The following DNAH3 variants were observed in gnomAD, a reference collection of about 807,000 sequenced individuals.
The protein encoded by DNAH3 is dynein axonemal heavy chain 3.
A neutral mutation model predicts 432.5 loss-of-function variants in DNAH3; 332 were observed. The observed-to-expected ratio is 0.77, with a 90% CI of 0.70 to 0.84. DNAH3 has a LOEUF of 0.84. DNAH3 is among the 40% of genes least tolerant of loss of function. The probability of loss-of-function intolerance (pLI) is 0.00; values close to 1 mark genes in which losing one functional copy is unlikely to be tolerated. For synonymous variants in DNAH3, 1,956 were observed against 1,900.2 expected (o/e 1.03, Z -0.76); for missense variants, 4,861 against 5,114.0 (o/e 0.95, Z 1.51).
chr16:20,964,724 A>T (rs1239583442), exon 53 of DNAH3: 1 of 1,614,046 alleles, frequency 6.2e-7, no homozygotes, highest in Non-Finnish European at 8.5e-7. Flanking sequence ...GCAATCTGCC[A>T]GGCACGGATT....
At chr16:21,000,341 T>G (rs2086958448) in exon 43 of DNAH3, 1 of 1,614,158 alleles carries the variant, frequency 6.2e-7, no homozygotes, top group Non-Finnish European at 8.5e-7. Context: ...GCAGAGAAAT[T>G]GATGCAGTTG....
At chr16:21,131,495 A>AGG in intron 7 of DNAH3, among the ~76,000 whole-genome samples, 1 of 2,442 alleles carries the variant, frequency 4.1e-4, no homozygotes, top group East Asian at 0.018. Context: ...AAAGAAAGAG[A>AGG]GATGAGAGAG....
At chr16:21,081,538 A>G (rs1163655053) in intron 20 of DNAH3, 98 bp downstream of exon 20, 7 of 996,056 alleles carry the variant, frequency 7.0e-6, no homozygotes, top group Admixed American at 6.7e-5. Context: ...CACAAGGAAA[A>G]AAAAACAAAC....
At chr16:21,147,398 T>C (rs1276886545) in intron 1 of DNAH3, among the ~76,000 whole-genome samples, 1 of 152,016 alleles carries the variant, frequency 6.6e-6, no homozygotes, top group African/African-American at 2.4e-5. Flanking sequence ...ATATTTTTAG[T>C]AGAGACGGGG....
chr16:21,114,216 C>A (rs575353020), intron 12 of DNAH3, among the ~76,000 whole-genome samples: 1 of 152,244 alleles, frequency 6.6e-6, no homozygotes, highest in Non-Finnish European at 1.5e-5. Context: ...AAAGGGGACG[C>A]CTGTGATTCC....
intron 44 of DNAH3, among the ~76,000 whole-genome samples, chr16:20,994,258 C>T (rs1224021230): frequency 6.6e-6 from 1 of 151,948 alleles, no homozygotes; most frequent in Non-Finnish European, 1.5e-5. Context: ...GATGAAACCC[C>T]GTCTCTACTA....
rs2092228614 is a variant in DNAH3, at chr16:21,117,347, G to A, written c.1700-30C>T. The A allele has an allele frequency of 6.9e-7, 1 of 1,459,306 alleles. No homozygotes were observed. The highest frequency in any genetic ancestry group is 9.6e-7 in the Non-Finnish European group (1 of 1,043,292). 90.4% of individuals were successfully genotyped at this position (1,459,306 alleles called of 1,614,324 possible). ...GAACAGGACAGATTCCACCTGAAGAGTAAACACCACTTTTGCATGTTGCAA... is the reference window on the plus strand; with the variant it reads ...GAACAGGACAGATTCCACCTGAAGAATAAACACCACTTTTGCATGTTGCAA... On this transcript the variant is annotated intron_variant, in intron 11 of 61. Transcript: ENST00000261383.
chr16:20,999,245 A>G (rs978427779), intron 43 of DNAH3, among the ~76,000 whole-genome samples: 1 of 152,210 alleles, frequency 6.6e-6, no homozygotes, highest in Non-Finnish European at 1.5e-5. Flanking sequence ...ACAGAGTGAG[A>G]CATTCTCTCT....
At chr16:20,968,258 G>A (rs1307126700) in intron 52 of DNAH3, among the ~76,000 whole-genome samples, 1 of 151,864 alleles carries the variant, frequency 6.6e-6, no homozygotes, top group Non-Finnish European at 1.5e-5. Flanking sequence ...TTGTAGAGAT[G>A]GGGTTTTGTC....
chr16:20,942,435 G>A (rs2083856671), intron 58 of DNAH3, among the ~76,000 whole-genome samples: 2 of 152,170 alleles, frequency 1.3e-5, no homozygotes, highest in African/African-American at 4.8e-5. Flanking sequence ...GTGGGAGGCT[G>A]GGATGTATAA....
chr16:21,134,261 T>C, exon 7 of DNAH3: 1 of 1,608,978 alleles, frequency 6.2e-7, no homozygotes, highest in Non-Finnish European at 8.5e-7. Flanking sequence ...CTTCTTACTC[T>C]GCAAACCACA....
intron 41 of DNAH3, among the ~76,000 whole-genome samples, chr16:21,018,474 C>T (rs929482226): frequency 1.3e-5 from 2 of 151,982 alleles, no homozygotes; most frequent in South Asian, 2.1e-4. Flanking sequence ...AAAACAAAAG[C>T]GACTTAGAAG....
intron 1 of DNAH3, among the ~76,000 whole-genome samples, chr16:21,158,990 C>T (rs189283439): frequency 2.7e-4 from 41 of 152,004 alleles, no homozygotes; most frequent in Admixed American, 2.6e-3. Context: ...ACACTCACCC[C>T]GCCACCCCCC....
intron 28 of DNAH3, among the ~76,000 whole-genome samples, chr16:21,052,437 T>C (rs9928198): frequency 0.035 from 5,354 of 152,330 alleles, 327 homozygotes; most frequent in African/African-American, 0.12. Context: ...GCAGAGGTAT[T>C]AAAAGGTGCG....
chr16:21,094,633 T>C (rs970164515), intron 18 of DNAH3, among the ~76,000 whole-genome samples: 3 of 152,090 alleles, frequency 2.0e-5, no homozygotes, highest in Admixed American at 6.6e-5. Context: ...ATCACACCAC[T>C]GTACAAAGTA....
At chr16:21,006,523 C>A (rs1055598683) in intron 41 of DNAH3, among the ~76,000 whole-genome samples, 4 of 152,278 alleles carry the variant, frequency 2.6e-5, no homozygotes, top group African/African-American at 7.2e-5. Flanking sequence ...AGAAACCCCA[C>A]ACCTCTTAGC....
intron 7 of DNAH3, among the ~76,000 whole-genome samples, chr16:21,129,728 C>T (rs886415740): frequency 6.6e-6 from 1 of 151,958 alleles, no homozygotes; most frequent in African/African-American, 2.4e-5. Flanking sequence ...CAGAGCAAGG[C>T]TCTGTCTCAA....
In DNAH3 at chr16:21,086,060, G is replaced by A. The variant is rs1223431318; in HGVS notation, c.2877+789C>T. 3.3e-5 allele frequency among the ~76,000 whole-genome samples: 5 copies of A among 152,230 alleles called. No homozygotes were observed. In the East Asian group the frequency reaches 9.7e-4, roughly 29 times the overall value. The stretch of plus-strand genomic sequence containing the variant: ...GTCTTGAGCCACCGTGCCTGGTCTT[G>A]AATGTGGTTCTGAGAGGGGGAATTA... On this transcript the variant is annotated intron_variant, in intron 19 of 61. Coordinates refer to ENST00000261383, the Ensembl canonical transcript of DNAH3.
intron 27 of DNAH3, among the ~76,000 whole-genome samples, chr16:21,056,713 C>T (rs1221931304): frequency 6.6e-6 from 1 of 152,156 alleles, no homozygotes; most frequent in African/African-American, 2.4e-5. Flanking sequence ...AGACACATCA[C>T]ACAGCATGCA....
Sources: allele counts gnomAD v4.1 joint callset (sites outside exome capture counted in the v4.1 genomes callset), GRCh38; gene constraint gnomAD v4.1.1; transcripts MANE v1.5; gene names NCBI Gene and HGNC (gene_info 2026-07-23, HGNC 2026-07-21).